MYO7B: variants seen among roughly 807,000 people sequenced by gnomAD.
The protein encoded by MYO7B is myosin VIIB.
MYO7B carries 212 observed loss-of-function variants against 259.7 expected under a neutral mutation model. The observed-to-expected ratio is 0.82, with a 90% CI of 0.73 to 0.91. The LOEUF (loss-of-function observed/expected upper bound fraction) is 0.91, where lower values mean the gene tolerates loss of function less well. MYO7B is among the 40% of genes least tolerant of loss of function. MYO7B has a pLI of 0.00. For synonymous variants in MYO7B, 1,197 were observed against 1,166.4 expected, an observed-to-expected ratio of 1.03 and a Z score of -0.54; for missense variants, 2,732 against 2,813.5, an observed-to-expected ratio of 0.97 and a Z score of 0.66.
At chr2:127,548,701 A>G (rs1054899445) in intron 1 of MYO7B, among the ~76,000 whole-genome samples, 1 of 152,162 alleles carries the variant, frequency 6.6e-6, no homozygotes, top group Non-Finnish European at 1.5e-5. Flanking sequence ...GGCATGAGCT[A>G]CCACGCCCGG....
At chr2:127,552,571 A>G (rs570237932) in intron 1 of MYO7B, among the ~76,000 whole-genome samples, 104 of 152,274 alleles carry the variant, frequency 6.8e-4, no homozygotes, top group African/African-American at 2.4e-3. Flanking sequence ...ATGGTATGTG[A>G]CAGGCCATGT....
intron 40 of MYO7B, among the ~76,000 whole-genome samples, chr2:127,633,970 T>A (rs1479227841): frequency 6.6e-6 from 1 of 152,200 alleles, no homozygotes; most frequent in Non-Finnish European, 1.5e-5. Flanking sequence ...AGGCCAGGCC[T>A]GCAGGGCCCC....
rs1189972935 is a variant in MYO7B, at chr2:127,627,540, A to G, written c.4460+230A>G. ...TTGGGGCATCACGCGTTGCACTGGC[A>G]GCTTCTCTTTGAAACCCAGGTCCAC... On this transcript the variant is annotated intron_variant, in intron 33 of 47. Coordinates refer to ENST00000409816, the MANE Select transcript of MYO7B (RefSeq NM_001393586.1). The surrounding 1 kb of genome is among the most constrained non-coding windows in gnomAD (Gnocchi z 5.6). 4.4e-6 allele frequency: 3 copies of G among 679,280 alleles called. No individual in the cohort carries two copies. The highest frequency in any genetic ancestry group is 7.9e-6 in the Non-Finnish European group (3 of 380,240). The allele number at this position is 679,280 out of a possible 1,614,324, so 42.1% of individuals were successfully genotyped here. A position where few individuals can be genotyped will look rare whatever the true frequency, so the allele number is the denominator to read the frequency against.
At chr2:127,600,583 G>A (rs569204253) in intron 19 of MYO7B, among the ~76,000 whole-genome samples, 20 of 152,262 alleles carry the variant, frequency 1.3e-4, no homozygotes, top group African/African-American at 3.9e-4. Flanking sequence ...GGTGGCAGGC[G>A]CTTGTAATCT....
At chr2:127,591,318 T>G (rs1033347640) in intron 16 of MYO7B, among the ~76,000 whole-genome samples, 1 of 152,242 alleles carries the variant, frequency 6.6e-6, no homozygotes, top group African/African-American at 2.4e-5. Context: ...CCAGAGACCC[T>G]TGGCTCGTTC....
intron 35 of MYO7B, among the ~76,000 whole-genome samples, chr2:127,630,136 C>T (rs1157687715): frequency 6.6e-6 from 1 of 152,216 alleles, no homozygotes. Context: ...AAGTCTCTCC[C>T]TGCACAAGGG....
chr2:127,622,132 G>T, intron 28 of MYO7B, 31 bp downstream of exon 28: 1 of 1,538,382 alleles, frequency 6.5e-7, no homozygotes, highest in South Asian at 1.2e-5. Context: ...GAGCGGGCAG[G>T]GTGGGGTGGT....
At chr2:127,630,940 C>T (rs935112710) in intron 36 of MYO7B, 32 bp downstream of exon 36, 28 of 1,536,628 alleles carry the variant, frequency 1.8e-5, no homozygotes, top group Middle Eastern at 1.8e-4. Flanking sequence ...CCTCATTGCA[C>T]CCCCACCTCC....
At chr2:127,622,274 C>T (rs147736794) in intron 28 of MYO7B, among the ~76,000 whole-genome samples, 173 bp downstream of exon 28, 203 of 152,248 alleles carry the variant, frequency 1.3e-3, no homozygotes, top group African/African-American at 4.7e-3. Context: ...CCCTGGGGCT[C>T]GGCCTCCCCA....
intron 34 of MYO7B, among the ~76,000 whole-genome samples, chr2:127,629,418 C>T (rs1300711550): frequency 6.6e-6 from 1 of 152,168 alleles, no homozygotes; most frequent in Non-Finnish European, 1.5e-5. Context: ...GCAGTCAGAG[C>T]TCTCGAGCCC....
intron 2 of MYO7B, among the ~76,000 whole-genome samples, chr2:127,562,028 G>GGA (rs34222904): frequency 0.14 from 21,099 of 151,338 alleles, 1,619 homozygotes; most frequent in South Asian, 0.33. Context: ...AGAGAGAAAG[G>GGA]GAGAGAGAGA....
In MYO7B at chr2:127,584,634, C is replaced by A; in HGVS notation, c.1555-144C>A. 9.8e-7 allele frequency: 1 copy of A among 1,017,906 alleles called. No homozygotes were observed. The allele number at this position is 1,017,906 out of a possible 1,614,324, so 63.1% of individuals were successfully genotyped here. ...ACTCCCTGCAACAAGTCACTGACCC[C>A]TGGGCATTAGTTTCCTGTCTGTACA... On this transcript the variant is annotated intron_variant, in intron 13 of 47. Transcript: ENST00000409816. This position sits in a 1 kb window ranked among gnomAD's most constrained non-coding sequence, Gnocchi z 5.8.
chr2:127,606,968 T>C (rs1680174203), intron 20 of MYO7B, among the ~76,000 whole-genome samples: 1 of 152,282 alleles, frequency 6.6e-6, no homozygotes, highest in Non-Finnish European at 1.5e-5. Context: ...TTATTATTTA[T>C]GCTATTTCAC....
chr2:127,592,556 C>T (rs1052341776), intron 16 of MYO7B, among the ~76,000 whole-genome samples: 2 of 152,090 alleles, frequency 1.3e-5, no homozygotes, highest in Non-Finnish European at 2.9e-5. Flanking sequence ...CGACTTTTAT[C>T]TCCTTGACAA....
chr2:127,608,636 G>A (rs1680251120), intron 21 of MYO7B, 72 bp from the exon 22 acceptor site: 4 of 1,509,146 alleles, frequency 2.7e-6, no homozygotes, highest in Non-Finnish European at 3.6e-6. Flanking sequence ...TGCTTGCCCT[G>A]TGGGGTAGGC....
chr2:127,599,120 A>G (rs1679872399), intron 19 of MYO7B, among the ~76,000 whole-genome samples: 1 of 152,184 alleles, frequency 6.6e-6, no homozygotes, highest in South Asian at 2.1e-4. Context: ...GGGATTTTTG[A>G]TAGTAATAGG....
rs757589813 is a variant in MYO7B at position 127,607,201 on chromosome 2, C to T, written c.2425-5C>T. On this transcript the variant is annotated splice_polypyrimidine_tract_variant and splice_region_variant and intron_variant, in intron 20 of 47. Transcript: ENST00000409816. The surrounding 1 kb of genome is among the most constrained non-coding windows in gnomAD (Gnocchi z 4.4). ...CCTGATCTCACCTCTCTCTTGCCTC[C>T]GCAGATCCTCGTGGGCTTTGAGCGC... 33 of 1,545,912 alleles carry T rather than the reference C, an allele frequency of 2.1e-5. No homozygotes were observed. In the East Asian group the frequency reaches 2.4e-4, roughly 11 times the overall value.
chr2:127,552,454 C>A (rs887790564), intron 1 of MYO7B, among the ~76,000 whole-genome samples: 1 of 151,922 alleles, frequency 6.6e-6, no homozygotes, highest in African/African-American at 2.4e-5. Context: ...TGAGGAGGGG[C>A]GGTGGAGGCC....
At chr2:127,591,974 G>A (rs1377084121) in intron 16 of MYO7B, among the ~76,000 whole-genome samples, 1 of 152,240 alleles carries the variant, frequency 6.6e-6, no homozygotes, top group Non-Finnish European at 1.5e-5. Flanking sequence ...AGTTGATTAG[G>A]ATATTTTCTG....
Sources: gnomAD v4.1 joint callset for allele counts (sites outside exome capture counted in the v4.1 genomes callset) on GRCh38, gnomAD v4.1.1 for gene constraint, Gnocchi (gnomAD v3.1) non-coding constraint, MANE v1.5 for transcripts, NCBI Gene and HGNC (gene_info 2026-07-23, HGNC 2026-07-21) for gene names.